The following RSPO3 variants were observed in gnomAD, a reference collection of about 807,000 sequenced individuals.
RSPO3 encodes the protein R-spondin-3.
In RSPO3, 17 loss-of-function variants were observed where a neutral mutation model predicts 36.5. The ratio of observed to expected loss-of-function variants is 0.47; its 90% CI spans 0.32 to 0.70. The LOEUF (loss-of-function observed/expected upper bound fraction) is 0.70, where lower values mean the gene tolerates loss of function less well. Ranked by LOEUF, RSPO3 falls within the 30% of genes least tolerant of loss-of-function variation. The pLI is 0.04. For synonymous variants in RSPO3, 108 were observed against 107.0 expected, an observed-to-expected ratio of 1.01 and a Z score of -0.06; for missense variants, 294 against 322.5, an observed-to-expected ratio of 0.91 and a Z score of 0.68.
intron 1 of RSPO3, among the ~76,000 whole-genome samples, chr6:127,146,033 C>G (rs1774375980): frequency 6.6e-6 from 1 of 152,074 alleles, no homozygotes; most frequent in Non-Finnish European, 1.5e-5. Flanking sequence ...TTCAAGAAAG[C>G]TGTCACTACA....
rs576674011 is a variant in RSPO3 at position 127,120,179 on chromosome 6, C to T, written c.97+890C>T. On this transcript the variant is annotated intron_variant, in intron 1 of 4. Coordinates refer to ENST00000356698, the MANE Select transcript of RSPO3 (RefSeq NM_032784.5). ...AGCTGGAATTAAGCGGACACCACCA[C>T]GGCAGCCTCAACCTGGGTTGGTCTG... Among the ~76,000 whole-genome samples the T allele has an allele frequency of 1.7e-3, 263 of 152,312 alleles. 2 individuals are homozygous for T. Among genetic ancestry groups the T allele is most frequent in the Non-Finnish European group, 1.6e-3 (109 of 68,030 alleles).
At chr6:127,170,373 T>C (rs1029542697) in intron 4 of RSPO3, among the ~76,000 whole-genome samples, 13 of 151,608 alleles carry the variant, frequency 8.6e-5, no homozygotes, top group Admixed American at 7.9e-4. Flanking sequence ...TCATGCACTA[T>C]TGATGGGAAT....
intron 3 of RSPO3, among the ~76,000 whole-genome samples, chr6:127,151,051 G>A (rs1054801454): frequency 6.6e-6 from 1 of 151,770 alleles, no homozygotes; most frequent in Admixed American, 6.6e-5. Flanking sequence ...TCCAAGGTGG[G>A]AACATATATT....
chr6:127,167,365 A>G (rs559933977), intron 4 of RSPO3, among the ~76,000 whole-genome samples: 19 of 152,082 alleles, frequency 1.2e-4, no homozygotes, highest in African/African-American at 4.6e-4. Flanking sequence ...TTGTGAGAAC[A>G]TGCAGTGTTT....
chr6:127,125,369 A>C (rs1773919746), intron 1 of RSPO3, among the ~76,000 whole-genome samples: 1 of 152,168 alleles, frequency 6.6e-6, no homozygotes, highest in African/African-American at 2.4e-5. Flanking sequence ...TGTTGGGAGA[A>C]GGTAGACTCA....
intron 4 of RSPO3, among the ~76,000 whole-genome samples, chr6:127,184,785 T>C (rs192430952): frequency 1.3e-5 from 2 of 151,978 alleles, no homozygotes; most frequent in Admixed American, 6.6e-5. Flanking sequence ...TGTGAAAGGA[T>C]GACACTCTCT....
chr6:127,169,050 G>A (rs938072049), intron 4 of RSPO3, among the ~76,000 whole-genome samples: 2 of 151,554 alleles, frequency 1.3e-5, no homozygotes, highest in South Asian at 4.1e-4. Flanking sequence ...ATTCCTTTGT[G>A]TATTTACCCA....
chr6:127,120,105 G>A (rs901447254), intron 1 of RSPO3: 5 of 152,388 alleles, frequency 3.3e-5, no homozygotes, highest in African/African-American at 1.2e-4. Context: ...TGCCCTTAAT[G>A]CTGTTATTTG....
At chr6:127,122,840 G>A (rs1773871404) in intron 1 of RSPO3, among the ~76,000 whole-genome samples, 2 of 151,918 alleles carry the variant, frequency 1.3e-5, no homozygotes, top group Admixed American at 6.6e-5. Context: ...GATTATCTAG[G>A]AGATACTATG....
At chr6:127,146,690 G>T (rs1222005873) in intron 1 of RSPO3, among the ~76,000 whole-genome samples, 2 of 152,032 alleles carry the variant, frequency 1.3e-5, no homozygotes, top group Non-Finnish European at 2.9e-5. Flanking sequence ...GACCAATATG[G>T]TCCATCTTTC....
chr6:127,174,114 A>G lies in RSPO3; in HGVS notation c.634+18676A>G, dbSNP rs115927304. 5.2e-3 allele frequency among the ~76,000 whole-genome samples: 783 copies of G among 151,962 alleles called. 6 individuals are homozygous for G. The highest frequency in any genetic ancestry group is 0.018 in the African/African-American group (729 of 41,512). ...ATTTCTAATAATGTGTGTTTGTGAT[A>G]CCTTGCTCGTGGCAAAGGCTTAAAA... On this transcript the variant is annotated intron_variant, in intron 4 of 4. Coordinates refer to ENST00000356698, the MANE Select transcript of RSPO3 (RefSeq NM_032784.5).
chr6:127,197,389 T>TTAGG lies in RSPO3; in HGVS notation c.*1383_*1384insAGGT. 6.5e-7 allele frequency: 1 copy of TTAGG among 1,549,550 alleles called. No homozygotes were observed. Among genetic ancestry groups the TTAGG allele is most frequent in the Non-Finnish European group, 8.7e-7 (1 of 1,146,548 alleles). ...CCCCTGCATCTTCAACATTTAGTCT[T>TTAGG]TTCTTCTCCATATTTTCTATCTGTG... On this transcript the variant is annotated 3_prime_UTR_variant, in exon 5 of 5. Coordinates refer to ENST00000356698, the MANE Select transcript of RSPO3 (RefSeq NM_032784.5).
rs150976918 is a variant in RSPO3, at chr6:127,186,708, A to T, written c.635-9115A>T. On this transcript the variant is annotated intron_variant, in intron 4 of 4. Transcript: ENST00000356698. ...TAGATATATTAAATAACATTGTTACATTTAAATTTTAAATTGGCACGTTAG... is the reference window on the plus strand; with the variant it reads ...TAGATATATTAAATAACATTGTTACTTTTAAATTTTAAATTGGCACGTTAG... Among the ~76,000 whole-genome samples the T allele has an allele frequency of 6.5e-4, 99 of 152,282 alleles. 2 individuals are homozygous for T. The East Asian group carries it at 0.015, about 23-fold the overall frequency.
chr6:127,122,798 T>G (rs961432424), intron 1 of RSPO3, among the ~76,000 whole-genome samples: 2 of 152,178 alleles, frequency 1.3e-5, no homozygotes, highest in African/African-American at 4.8e-5. Flanking sequence ...AAATACCTAA[T>G]AGTAAAGTTT....
chr6:127,173,944 A>G (rs1443144888), intron 4 of RSPO3, among the ~76,000 whole-genome samples: 2 of 151,916 alleles, frequency 1.3e-5, no homozygotes, highest in Non-Finnish European at 2.9e-5. Context: ...TCATTCTAAC[A>G]TGAAAATTGT....
chr6:127,193,215 C>T (rs896542226), intron 4 of RSPO3, among the ~76,000 whole-genome samples: 6 of 152,060 alleles, frequency 3.9e-5, no homozygotes, highest in African/African-American at 1.4e-4. Context: ...GTTATAATAC[C>T]GAGTTTCAAT....
intron 4 of RSPO3, among the ~76,000 whole-genome samples, chr6:127,186,034 T>C (rs2114258737): frequency 6.6e-6 from 1 of 152,256 alleles, no homozygotes; most frequent in East Asian, 1.9e-4. Context: ...AAATGATAAA[T>C]GCCCAGAGAA....
At chr6:127,135,989 T>G (rs1227745414) in intron 1 of RSPO3, among the ~76,000 whole-genome samples, 2 of 150,920 alleles carry the variant, frequency 1.3e-5, no homozygotes, top group Non-Finnish European at 2.9e-5. Context: ...GCTAGGAAGA[T>G]TTGTGTGAAT....
intron 1 of RSPO3, among the ~76,000 whole-genome samples, chr6:127,130,898 C>G (rs1774038462): frequency 1.3e-5 from 2 of 151,946 alleles, no homozygotes; most frequent in South Asian, 4.1e-4. Context: ...GGAACAAGGT[C>G]CAAACATGGT....
Sources: allele counts gnomAD v4.1 joint callset (sites outside exome capture counted in the v4.1 genomes callset), GRCh38; gene constraint gnomAD v4.1.1; transcripts MANE v1.5; gene names NCBI Gene and HGNC (gene_info 2026-07-23, HGNC 2026-07-21).